The following FAF1 variants were observed in gnomAD, a reference collection of about 807,000 sequenced individuals.
FAF1 encodes the protein FAS-associated factor 1.
A neutral mutation model predicts 92.5 loss-of-function variants in FAF1; 25 were observed. That is an observed-to-expected ratio of 0.27 (90% confidence interval 0.20 to 0.38). FAF1 has a LOEUF of 0.38. Among genes scored for constraint, FAF1 ranks in the 10% least tolerant of loss-of-function variants. The pLI is 1.00. For synonymous variants in FAF1, 234 were observed against 273.2 expected (o/e 0.86, Z 1.42); for missense variants, 636 against 793.3 (o/e 0.80, Z 2.38).
chr1:50,749,372 T>TTA (rs1369866690), intron 4 of FAF1, among the ~76,000 whole-genome samples: 3 of 152,140 alleles, frequency 2.0e-5, no homozygotes, highest in Admixed American at 2.0e-4. Flanking sequence ...TAACTTAAAG[T>TTA]CCCAGTTACT....
intron 2 of FAF1, among the ~76,000 whole-genome samples, chr1:50,813,760 T>TTAA (rs1643939776): frequency 6.6e-6 from 1 of 152,032 alleles, no homozygotes; most frequent in South Asian, 2.1e-4. Flanking sequence ...TTTAACACTG[T>TTAA]ATTGTCGGCA....
At position 50,853,963 on chromosome 1, in the gene FAF1, T is replaced by C. The variant is rs527597371; in HGVS notation, c.114+3966A>G. On this transcript the variant is annotated intron_variant, in intron 2 of 18. Coordinates refer to ENST00000396153, the MANE Select transcript of FAF1 (RefSeq NM_007051.3). The stretch of plus-strand genomic sequence containing the variant: ...TCCTTCAGAAATACTTCATATATCA[T>C]GGAAGCTTGAGTATAATCTAGGGTA... Among the ~76,000 whole-genome samples the C allele has an allele frequency of 4.6e-5, 7 of 152,134 alleles. No homozygotes were observed. In the East Asian group the frequency reaches 1.2e-3, roughly 25 times the overall value.
chr1:50,583,769 CA>C lies in FAF1; in HGVS notation c.968-55del. ...AACAAAAAAACAAAACAAATAGACA[CA>C]AAAACAAACCACATAACATCTAATC... is the stretch of plus-strand genomic sequence containing the variant. On this transcript the variant is annotated intron_variant, in intron 10 of 18. Coordinates refer to ENST00000396153, the MANE Select transcript of FAF1 (RefSeq NM_007051.3). The surrounding 1 kb of genome is among the most constrained non-coding windows in gnomAD (Gnocchi z 4.2). The C allele has an allele frequency of 1.8e-6, 2 of 1,112,174 alleles. No individual in the cohort carries two copies. The highest frequency in any genetic ancestry group is 2.7e-6 in the Non-Finnish European group (2 of 753,880). The allele number at this position is 1,112,174 out of a possible 1,614,324, so 68.9% of individuals were successfully genotyped here.
intron 8 of FAF1, among the ~76,000 whole-genome samples, chr1:50,632,767 A>G (rs1018452724): frequency 3.3e-5 from 5 of 152,080 alleles, no homozygotes; most frequent in Non-Finnish European, 5.9e-5. Flanking sequence ...ACACTTATGC[A>G]TTGTTTGTGG....
chr1:50,580,257 T>C (rs966994444), intron 12 of FAF1, among the ~76,000 whole-genome samples: 2 of 151,858 alleles, frequency 1.3e-5, no homozygotes, highest in East Asian at 3.8e-4. Context: ...CAGTCAACAT[T>C]TGTCATTTTT....
chr1:50,909,009 G>A (rs1038948065), intron 1 of FAF1, among the ~76,000 whole-genome samples: 1 of 152,218 alleles, frequency 6.6e-6, no homozygotes, highest in Non-Finnish European at 1.5e-5. Context: ...GCAGTGTCCA[G>A]TATTGGTTGT....
At chr1:50,938,830 G>GTCC (rs1280502758) in intron 1 of FAF1, among the ~76,000 whole-genome samples, 14 of 152,208 alleles carry the variant, frequency 9.2e-5, no homozygotes, top group African/African-American at 2.6e-4. Context: ...TGAATAAGGG[G>GTCC]TCCTCTCCTC....
intron 3 of FAF1, among the ~76,000 whole-genome samples, chr1:50,794,202 C>T (rs1292501504): frequency 6.6e-6 from 1 of 152,116 alleles, no homozygotes; most frequent in Non-Finnish European, 1.5e-5. Context: ...GTTGAAAGCA[C>T]ATGAAGGTGA....
At chr1:50,609,793 G>GA (rs71769751) in intron 8 of FAF1, among the ~76,000 whole-genome samples, 1,535 of 141,008 alleles carry the variant, frequency 0.011, 22 homozygotes, top group African/African-American at 0.035. Flanking sequence ...TTGAATTATG[G>GA]AAAAAAAAAA....
chr1:50,520,032 C>T (rs761069245), intron 15 of FAF1, among the ~76,000 whole-genome samples: 1 of 152,092 alleles, frequency 6.6e-6, no homozygotes, highest in Non-Finnish European at 1.5e-5. Flanking sequence ...ATAGCAAGTC[C>T]CTAAAAAATG....
At chr1:50,635,970 T>C (rs953445641) in intron 8 of FAF1, among the ~76,000 whole-genome samples, 1 of 152,122 alleles carries the variant, frequency 6.6e-6, no homozygotes, top group African/African-American at 2.4e-5. Context: ...ATAGGATAAA[T>C]TGGACTGGAT....
chr1:50,491,947 GCAAA>G (rs1388012269), intron 15 of FAF1, 146 bp from the exon 16 acceptor site: 22 of 602,786 alleles, frequency 3.6e-5, no homozygotes, highest in East Asian at 5.7e-5. Context: ...ACATAAATAA[GCAAA>G]CAAACAATAA....
chr1:50,609,913 C>T (rs1306733834), intron 8 of FAF1, among the ~76,000 whole-genome samples: 1 of 152,164 alleles, frequency 6.6e-6, no homozygotes, highest in African/African-American at 2.4e-5. Flanking sequence ...TACTCCCCCA[C>T]ACCCCCACAG....
chr1:50,909,939 C>G (rs899861424), intron 1 of FAF1, among the ~76,000 whole-genome samples: 4 of 152,204 alleles, frequency 2.6e-5, no homozygotes, highest in African/African-American at 9.7e-5. Context: ...AGCTGCATTC[C>G]TCTGGAGGAG....
chr1:50,771,199 T>C (rs1437013448), intron 4 of FAF1, among the ~76,000 whole-genome samples: 1 of 152,100 alleles, frequency 6.6e-6, no homozygotes, highest in East Asian at 1.9e-4. Context: ...CTGGCAAAGA[T>C]TTCATAACAA....
chr1:50,886,617 G>C (rs768464115), intron 1 of FAF1, among the ~76,000 whole-genome samples: 1 of 151,922 alleles, frequency 6.6e-6, no homozygotes, highest in Non-Finnish European at 1.5e-5. Context: ...CTATGAGTGA[G>C]AACATGTGGT....
intron 18 of FAF1, among the ~76,000 whole-genome samples, chr1:50,468,909 T>TA (rs1363459697): frequency 6.6e-6 from 1 of 152,176 alleles, no homozygotes; most frequent in Non-Finnish European, 1.5e-5. Flanking sequence ...AATTAAAATT[T>TA]AAAAAATTTA....
intron 6 of FAF1, among the ~76,000 whole-genome samples, chr1:50,728,528 T>G (rs12753029): frequency 1.1e-4 from 16 of 152,210 alleles, no homozygotes; most frequent in African/African-American, 3.1e-4. Context: ...CAGTGGCTCA[T>G]GCCTGCAATT....
At chr1:50,520,291 G>A (rs1647431425) in intron 15 of FAF1, among the ~76,000 whole-genome samples, 1 of 152,150 alleles carries the variant, frequency 6.6e-6, no homozygotes, top group Non-Finnish European at 1.5e-5. Flanking sequence ...ATAATTCTCA[G>A]TATCCCCCAT....
Sources: gnomAD v4.1 joint callset for allele counts (sites outside exome capture counted in the v4.1 genomes callset) on GRCh38, gnomAD v4.1.1 for gene constraint, Gnocchi (gnomAD v3.1) non-coding constraint, MANE v1.5 for transcripts, NCBI Gene and HGNC (gene_info 2026-07-23, HGNC 2026-07-21) for gene names.